Variants in SOX6 observed in about 807,000 individuals in gnomAD.
The protein encoded by SOX6 is transcription factor SOX-6.
Under a neutral mutation model 97.8 loss-of-function variants are expected in SOX6, and 11 were observed. The observed-to-expected ratio is 0.11, with a 90% CI of 0.07 to 0.19. The LOEUF (loss-of-function observed/expected upper bound fraction) is 0.19. Among genes scored for constraint, SOX6 ranks in the 10% least tolerant of loss-of-function variants. The probability of loss-of-function intolerance (pLI) is 1.00; values close to 1 mark genes in which losing one functional copy is unlikely to be tolerated. For missense variants in SOX6, 810 were observed against 1,039.5 expected, an observed-to-expected ratio of 0.78 and a Z score of 3.04; for synonymous variants, 360 against 371.4, an observed-to-expected ratio of 0.97 and a Z score of 0.35.
chr11:16,145,576 T>C (rs1850270001), intron 6 of SOX6, among the ~76,000 whole-genome samples: 1 of 152,190 alleles, frequency 6.6e-6, no homozygotes. Flanking sequence ...TGTTTGTAGA[T>C]GACCTGATTG....
intron 3 of SOX6, among the ~76,000 whole-genome samples, chr11:16,254,393 C>T (rs896804804): frequency 6.6e-6 from 1 of 151,954 alleles, no homozygotes; most frequent in South Asian, 2.1e-4. Flanking sequence ...ATATATATTA[C>T]ATACATGTAT....
chr11:16,212,717 G>C (rs1488210641), intron 4 of SOX6, among the ~76,000 whole-genome samples: 1 of 152,180 alleles, frequency 6.6e-6, no homozygotes, highest in Non-Finnish European at 1.5e-5. Context: ...TAGTTTATGA[G>C]AATCTCAGCT....
At chr11:16,243,312 T>C (rs1476998213) in intron 3 of SOX6, among the ~76,000 whole-genome samples, 1 of 151,968 alleles carries the variant, frequency 6.6e-6, no homozygotes, top group Non-Finnish European at 1.5e-5. Flanking sequence ...ATTAATTATG[T>C]GATCAAGTTT....
intron 4 of SOX6, among the ~76,000 whole-genome samples, chr11:16,211,698 T>G (rs2134142959): frequency 6.6e-6 from 1 of 152,256 alleles, no homozygotes; most frequent in East Asian, 1.9e-4. Context: ...GAGAAGACAC[T>G]GATGCCACTC....
At chr11:16,589,928 T>C (rs56074687) in intron 4 of SOX6, among the ~76,000 whole-genome samples, 33,493 of 152,120 alleles carry the variant, frequency 0.22, 4,270 homozygotes, top group Middle Eastern at 0.31. Context: ...GAAATTCTTT[T>C]ATAAAAGATA....
At chr11:16,377,557 A>G (rs922064141) in intron 1 of SOX6, among the ~76,000 whole-genome samples, 2 of 152,188 alleles carry the variant, frequency 1.3e-5, no homozygotes, top group African/African-American at 4.8e-5. Flanking sequence ...GTACAAAAAA[A>G]GAAAAACAAT....
chr11:16,212,385 T>C (rs1253339560), intron 4 of SOX6, among the ~76,000 whole-genome samples: 5 of 152,132 alleles, frequency 3.3e-5, no homozygotes, highest in Admixed American at 2.6e-4. Context: ...ATATCTATGG[T>C]ATTATTTTTA....
At chr11:16,603,548 G>A (rs1038721198) in intron 4 of SOX6, among the ~76,000 whole-genome samples, 3 of 152,110 alleles carry the variant, frequency 2.0e-5, no homozygotes, top group Non-Finnish European at 4.4e-5. Flanking sequence ...AGGGAGCACA[G>A]AGACAGGTAA....
intron 3 of SOX6, among the ~76,000 whole-genome samples, chr11:16,629,895 A>G (rs1729763728): frequency 6.6e-6 from 1 of 152,200 alleles, no homozygotes; most frequent in Non-Finnish European, 1.5e-5. Context: ...AGAGATGTTC[A>G]TAATATTTTC....
chr11:16,310,248 C>T (rs893743023), intron 3 of SOX6, among the ~76,000 whole-genome samples: 3 of 152,072 alleles, frequency 2.0e-5, no homozygotes, highest in African/African-American at 7.2e-5. Context: ...CCCAGAAGGT[C>T]TGGAGTTCAC....
chr11:16,662,443 C>A (rs533154082), intron 3 of SOX6, among the ~76,000 whole-genome samples: 1 of 152,110 alleles, frequency 6.6e-6, no homozygotes, highest in African/African-American at 2.4e-5. Context: ...TTCTATTTTT[C>A]TTTGGTATTC....
chr11:16,231,698 T>C, intron 4 of SOX6, among the ~76,000 whole-genome samples: 1 of 147,056 alleles, frequency 6.8e-6, no homozygotes, highest in Admixed American at 6.6e-5. Context: ...GTTTTCAAAA[T>C]AGGTGCTCTT....
intron 4 of SOX6, among the ~76,000 whole-genome samples, chr11:16,578,213 G>A (rs1015321309): frequency 9.9e-5 from 15 of 152,132 alleles, no homozygotes; most frequent in South Asian, 4.1e-4. Flanking sequence ...CACCCTTGTC[G>A]AAAATAGCAT....
chr11:16,589,961 T>C (rs535558182), intron 4 of SOX6, among the ~76,000 whole-genome samples: 88 of 152,304 alleles, frequency 5.8e-4, no homozygotes, highest in African/African-American at 2.1e-3. Flanking sequence ...GCTATCAGAA[T>C]AACACTTGTT....
intron 4 of SOX6, among the ~76,000 whole-genome samples, chr11:16,231,492 C>G (rs1852850848): frequency 6.6e-6 from 1 of 151,622 alleles, no homozygotes; most frequent in Non-Finnish European, 1.5e-5. Context: ...ACTTGTTATT[C>G]AGGGCAAGAG....
At chr11:16,053,417 A>T (rs75011885) in intron 10 of SOX6, among the ~76,000 whole-genome samples, 8,444 of 152,164 alleles carry the variant, frequency 0.055, 615 homozygotes, top group East Asian at 0.37. Context: ...TTTCAATCAC[A>T]ACCACTAAAA....
At chr11:16,472,228 T>C (rs964964644) in intron 1 of SOX6, among the ~76,000 whole-genome samples, 2 of 152,190 alleles carry the variant, frequency 1.3e-5, no homozygotes, top group African/African-American at 4.8e-5. Flanking sequence ...TAATTATATT[T>C]GTCACATTAA....
intron 9 of SOX6, among the ~76,000 whole-genome samples, chr11:16,095,623 G>A (rs1321603134): frequency 1.3e-5 from 2 of 151,372 alleles, no homozygotes; most frequent in Non-Finnish European, 3.0e-5. Flanking sequence ...AAATTTACAG[G>A]GTTATTCTAT....
intron 1 of SOX6, among the ~76,000 whole-genome samples, chr11:16,405,339 T>C (rs1590190752): frequency 6.6e-6 from 1 of 151,970 alleles, no homozygotes; most frequent in African/African-American, 2.4e-5. Context: ...GAAGACTAAA[T>C]GCTAATGACC....
Sources: gnomAD v4.1 joint callset for allele counts (sites outside exome capture counted in the v4.1 genomes callset) on GRCh38, gnomAD v4.1.1 for gene constraint, MANE v1.5 for transcripts, NCBI Gene and HGNC (gene_info 2026-07-23, HGNC 2026-07-21) for gene names.